CCDC7: variants seen among roughly 807,000 people sequenced by gnomAD.
CCDC7 encodes coiled-coil domain-containing protein 7.
A neutral mutation model predicts 196.9 loss-of-function variants in CCDC7; 183 were observed. That is an observed-to-expected ratio of 0.93 (90% CI 0.82 to 1.05). CCDC7 has a LOEUF of 1.05. CCDC7 is among the 50% of genes least tolerant of loss of function. CCDC7 has a pLI of 0.00. For synonymous variants in CCDC7, 525 were observed against 484.6 expected (o/e 1.08, Z -1.10); for missense variants, 1,540 against 1,482.2 (o/e 1.04, Z -0.64).
intron 5 of CCDC7, among the ~76,000 whole-genome samples, chr10:32,466,615 A>G (rs1365653831): frequency 6.6e-6 from 1 of 152,240 alleles, no homozygotes; most frequent in African/African-American, 2.4e-5. Context: ...ATTCATTTAT[A>G]TGGCTGAATA....
chr10:32,527,528 A>G (rs1183195065), intron 11 of CCDC7, among the ~76,000 whole-genome samples: 1 of 152,140 alleles, frequency 6.6e-6, no homozygotes, highest in Non-Finnish European at 1.5e-5. Context: ...CGTGCACATC[A>G]TTTCTGCTTC....
chr10:32,629,530 G>A (rs1468869539), intron 18 of CCDC7, among the ~76,000 whole-genome samples: 1 of 152,006 alleles, frequency 6.6e-6, no homozygotes, highest in Non-Finnish European at 1.5e-5. Flanking sequence ...CCTCAGCTTT[G>A]GATTTATTGC....
intron 21 of CCDC7, among the ~76,000 whole-genome samples, chr10:32,667,092 A>C (rs1392467181): frequency 6.6e-6 from 1 of 152,002 alleles, no homozygotes; most frequent in Non-Finnish European, 1.5e-5. Flanking sequence ...ATGGTATCTC[A>C]TTGTGGTTTT....
At position 32,797,269 on chromosome 10, in the gene CCDC7, G is replaced by T. The variant is rs961153594; in HGVS notation, c.3014-7746G>T. Among the ~76,000 whole-genome samples, 3 of 150,086 alleles carry T rather than the reference G, an allele frequency of 2.0e-5. No homozygotes were observed. The Admixed American group carries it at 2.0e-4, about 10-fold the overall frequency. On this transcript the variant is annotated intron_variant, in intron 29 of 41. Transcript: ENST00000639629. ...CGTATATATATGTGTGTATATATATGCGTATATATATACATATGTGTATAT... is the reference window on the plus strand; with the variant it reads ...CGTATATATATGTGTGTATATATATTCGTATATATATACATATGTGTATAT...
At chr10:32,531,169 C>T (rs1200751972) in intron 11 of CCDC7, among the ~76,000 whole-genome samples, 1 of 152,100 alleles carries the variant, frequency 6.6e-6, no homozygotes, top group African/African-American at 2.4e-5. Flanking sequence ...GTCACCCAGG[C>T]TGGAGTGCAA....
intron 24 of CCDC7, among the ~76,000 whole-genome samples, chr10:32,700,179 T>C (rs984152069): frequency 1.3e-5 from 2 of 149,638 alleles, no homozygotes; most frequent in Non-Finnish European, 2.9e-5. Context: ...AGGGTTTTTA[T>C]GGTTTTAGGT....
At chr10:32,485,311 G>GT (rs2040824366) in intron 8 of CCDC7, among the ~76,000 whole-genome samples, 1 of 152,176 alleles carries the variant, frequency 6.6e-6, no homozygotes, top group South Asian at 2.1e-4. Context: ...TCTGACAGCA[G>GT]TTTGTATTTC....
chr10:32,531,017 T>C (rs1564566193), intron 11 of CCDC7, among the ~76,000 whole-genome samples: 1 of 152,232 alleles, frequency 6.6e-6, no homozygotes. Flanking sequence ...GAAATAAACA[T>C]GGTTTTTCTT....
At chr10:32,457,126 C>A (rs1021008438) in intron 3 of CCDC7, among the ~76,000 whole-genome samples, 64 of 151,864 alleles carry the variant, frequency 4.2e-4, no homozygotes, top group Middle Eastern at 3.4e-3. Context: ...ATCGTTTAAC[C>A]AACCTCTCCC....
chr10:32,523,365 G>A (rs1200645766), intron 11 of CCDC7, among the ~76,000 whole-genome samples: 1 of 152,114 alleles, frequency 6.6e-6, no homozygotes, highest in Admixed American at 6.6e-5. Flanking sequence ...GGACAACACG[G>A]TGAAACCCTG....
chr10:32,644,613 G>A (rs796198814), intron 20 of CCDC7, among the ~76,000 whole-genome samples: 1 of 152,198 alleles, frequency 6.6e-6, no homozygotes, highest in Non-Finnish European at 1.5e-5. Flanking sequence ...ATTTCCACAT[G>A]TTGTGGGAGG....
intron 20 of CCDC7, among the ~76,000 whole-genome samples, chr10:32,653,901 A>T (rs527822199): frequency 2.9e-4 from 44 of 152,288 alleles, no homozygotes; most frequent in Non-Finnish European, 4.7e-4. Context: ...ACTATTTATT[A>T]AAAAAGTTTT....
At chr10:32,759,264 A>G (rs985888051) in intron 28 of CCDC7, among the ~76,000 whole-genome samples, 6 of 152,184 alleles carry the variant, frequency 3.9e-5, no homozygotes, top group African/African-American at 1.4e-4. Flanking sequence ...ATATGGAACC[A>G]AAAAAGAGCC....
rs73261243 is a variant in CCDC7 at position 32,724,442 on chromosome 10, T to A, written c.2570-2292T>A. Among the ~76,000 whole-genome samples the A allele has an allele frequency of 4.8e-3, 730 of 152,202 alleles. 12 individuals are homozygous for A. The highest frequency in any genetic ancestry group is 0.017 in the African/African-American group (706 of 41,534). ...AAACTGAAAGGAATAATTAAGCCTT[T>A]TTTCAGATACTGTGATAACATAAGC... On this transcript the variant is annotated intron_variant, in intron 25 of 41. Transcript: ENST00000639629.
intron 16 of CCDC7, among the ~76,000 whole-genome samples, chr10:32,582,768 T>C (rs2058865004): frequency 6.6e-6 from 1 of 152,192 alleles, no homozygotes; most frequent in African/African-American, 2.4e-5. Context: ...AAATTTTTCT[T>C]GTTCTATGGC....
intron 28 of CCDC7, among the ~76,000 whole-genome samples, chr10:32,768,582 G>A (rs1314816266): frequency 2.0e-5 from 3 of 152,046 alleles, no homozygotes; most frequent in African/African-American, 7.2e-5. Flanking sequence ...GTGAAAGTGG[G>A]CATCCTTGTT....
chr10:32,658,249 C>A (rs1052954332), intron 20 of CCDC7, among the ~76,000 whole-genome samples: 1 of 152,194 alleles, frequency 6.6e-6, no homozygotes, highest in African/African-American at 2.4e-5. Context: ...TATATTAGTT[C>A]ATTCTCAAAC....
upstream of CCDC7, among the ~76,000 whole-genome samples, chr10:32,443,380 T>A (rs759984221): frequency 2.0e-5 from 3 of 152,108 alleles, no homozygotes; most frequent in Admixed American, 6.5e-5. Flanking sequence ...ACCCAGTTGC[T>A]GTTACTCCAT....
chr10:32,482,499 TTTC>T (rs2040166567), intron 8 of CCDC7, among the ~76,000 whole-genome samples: 1 of 151,632 alleles, frequency 6.6e-6, no homozygotes, highest in African/African-American at 2.4e-5. Context: ...GGCATCAGAA[TTTC>T]TTTTTTTTAT....
Sources: allele counts gnomAD v4.1 joint callset (sites outside exome capture counted in the v4.1 genomes callset), GRCh38; gene constraint gnomAD v4.1.1; transcripts MANE v1.5; gene names NCBI Gene and HGNC (gene_info 2026-07-23, HGNC 2026-07-21).